IRAG1: variants seen among roughly 807,000 people sequenced by gnomAD.
The protein encoded by IRAG1 is inositol 1,4,5-triphosphate receptor associated 1.
A neutral mutation model predicts 106.2 loss-of-function variants in IRAG1; 62 were observed. That is an observed-to-expected ratio of 0.58 (90% CI 0.48 to 0.72). The LOEUF is 0.72. Among genes scored for constraint, IRAG1 ranks in the 30% least tolerant of loss-of-function variants. IRAG1 has a pLI of 0.00. For missense variants in IRAG1, 1,064 were observed against 1,140.7 expected, an observed-to-expected ratio of 0.93 and a Z score of 0.97; for synonymous variants, 462 against 443.9, an observed-to-expected ratio of 1.04 and a Z score of -0.51.
intron 1 of IRAG1, among the ~76,000 whole-genome samples, chr11:10,676,863 C>T (rs1027699122): frequency 3.7e-4 from 56 of 152,240 alleles, no homozygotes; most frequent in African/African-American, 1.4e-3. Context: ...TGGAGGTTCA[C>T]CCTTCCCACG....
intron 12 of IRAG1, 70 bp downstream of exon 12, chr11:10,606,672 G>A: frequency 2.0e-6 from 3 of 1,466,966 alleles, no homozygotes; most frequent in Non-Finnish European, 2.8e-6. Flanking sequence ...AGAGTCTGGA[G>A]GAAGAAATGT....
rs1313840890 is a variant in IRAG1, at chr11:10,573,749, T to C, written c.*2583A>G. 2.0e-5 allele frequency: 3 copies of C among 152,204 alleles called. 1 individual carries two copies. The East Asian group carries it at 5.8e-4, about 29-fold the overall frequency. 9.4% of individuals were successfully genotyped at this position (152,204 alleles called of 1,614,324 possible). ...TCCAGAAACAAAGGTAGGAAACTTG[T>C]GACCAAGTGAACAATGGGGCCAGCT... On this transcript the variant is annotated 3_prime_UTR_variant, in exon 21 of 21. Transcript: ENST00000423302.
chr11:10,636,230 A>G (rs1857135790), intron 2 of IRAG1, among the ~76,000 whole-genome samples: 1 of 152,246 alleles, frequency 6.6e-6, no homozygotes, highest in South Asian at 2.1e-4. Flanking sequence ...TCTTCAGTGC[A>G]GTGGCACAAT....
chr11:10,603,194 C>T lies in IRAG1; in HGVS notation c.1801G>A (p.Glu601Lys). 1 of 1,613,076 alleles carries T rather than the reference C, an allele frequency of 6.2e-7. No individual in the cohort carries two copies. Among genetic ancestry groups the T allele is most frequent in the Non-Finnish European group, 8.5e-7 (1 of 1,179,590 alleles). ...EHRETYQKLL[E>K]DIAVLHRLAA... ...AGGCGGTGCAGGACAGCGATGTCCT[C>T]CAGCAACTTCTGGTAGGTTTCCCGG... Residue 601 changes from glutamate (E) to lysine (K), a missense_variant, in exon 14 of 21, where the codon GAG (glutamate) becomes AAG (lysine). Physicochemically the swap from Glu to Lys is moderately conservative, Grantham distance 56. Transcript: ENST00000423302.
At chr11:10,662,758 C>A (rs899248369) in intron 1 of IRAG1, among the ~76,000 whole-genome samples, 1 of 152,224 alleles carries the variant, frequency 6.6e-6, no homozygotes, top group African/African-American at 2.4e-5. Flanking sequence ...TGCCTTTAAA[C>A]CCAGACCTGG....
At chr11:10,617,060 C>A (rs1855492295) in intron 10 of IRAG1, 1 of 985,234 alleles carries the variant, frequency 1.0e-6, no homozygotes, top group Non-Finnish European at 1.2e-6. Flanking sequence ...CTCAGGGAGG[C>A]CTCTTTCCTG....
chr11:10,652,129 G>C lies in IRAG1; in HGVS notation c.121C>G (p.Pro41Ala), dbSNP rs558918325. The change falls in exon 2 of 21, where the codon CCG becomes GCG. Residue 41 changes from proline (P) to alanine (A), a missense_variant. Coordinates refer to ENST00000423302, the MANE Select transcript of IRAG1 (RefSeq NM_130385.4). The part of the protein sequence containing the change: ...SIFGADAAEV[P>A]GTRGHSQQEA... ...TGCTGGGAGTGGCCACGTGTGCCCG[G>C]AACCTCCGCTGCGTCAGCCCCAAAG... 2.7e-5 allele frequency: 43 copies of C among 1,612,690 alleles called. No individual in the cohort carries two copies. In the East Asian group the frequency reaches 9.6e-4, roughly 36 times the overall value.
At chr11:10,688,564 G>A (rs781089139) in intron 1 of IRAG1, among the ~76,000 whole-genome samples, 3 of 152,032 alleles carry the variant, frequency 2.0e-5, no homozygotes, top group African/African-American at 4.8e-5. Context: ...CCTAGAGCCA[G>A]GCTGTGTGCA....
chr11:10,635,698 T>G (rs1857095758), intron 2 of IRAG1, among the ~76,000 whole-genome samples: 1 of 152,202 alleles, frequency 6.6e-6, no homozygotes, highest in African/African-American at 2.4e-5. Flanking sequence ...CCCACAATTT[T>G]TAGTGAACCC....
chr11:10,606,858 G>A, intron 11 of IRAG1, 86 bp from the exon 12 acceptor site: 1 of 1,285,544 alleles, frequency 7.8e-7, no homozygotes, highest in Non-Finnish European at 1.1e-6. Flanking sequence ...CAGACCATGT[G>A]TTTCCAGGGG....
intron 8 of IRAG1, 99 bp downstream of exon 8, chr11:10,627,617 G>A (rs1469073510): frequency 9.3e-6 from 12 of 1,286,634 alleles, no homozygotes; most frequent in Non-Finnish European, 1.1e-5. Context: ...ACGTGTGCAT[G>A]CACACACACT....
At chr11:10,626,740 G>A (rs1055950680) in intron 8 of IRAG1, among the ~76,000 whole-genome samples, 157 bp from the exon 9 acceptor site, 3 of 152,202 alleles carry the variant, frequency 2.0e-5, no homozygotes, top group Non-Finnish European at 4.4e-5. Flanking sequence ...TGGAAGGAGA[G>A]GGCTTCTGCC....
At chr11:10,681,746 C>A (rs1861276767) in intron 1 of IRAG1, among the ~76,000 whole-genome samples, 1 of 152,156 alleles carries the variant, frequency 6.6e-6, no homozygotes, top group Non-Finnish European at 1.5e-5. Context: ...GGAAGTGGCA[C>A]CAGGGACGGA....
At chr11:10,644,440 T>C (rs1857781352) in intron 2 of IRAG1, among the ~76,000 whole-genome samples, 1 of 152,216 alleles carries the variant, frequency 6.6e-6, no homozygotes, top group Admixed American at 6.5e-5. Flanking sequence ...AAGGATGTGA[T>C]GAGATAAGTA....
At chr11:10,583,973 G>T (rs753392575) in intron 18 of IRAG1, among the ~76,000 whole-genome samples, 2 of 152,120 alleles carry the variant, frequency 1.3e-5, no homozygotes, top group Non-Finnish European at 2.9e-5. Flanking sequence ...AGTTATATGA[G>T]AAAGAAGGAA....
chr11:10,688,797 C>A (rs932270304), intron 1 of IRAG1, among the ~76,000 whole-genome samples: 1 of 152,174 alleles, frequency 6.6e-6, no homozygotes, highest in Admixed American at 6.5e-5. Context: ...TTTACCTATG[C>A]CTTTATTTAC....
At position 10,659,369 on chromosome 11, in the gene IRAG1, G is replaced by A. The variant is rs969257783; in HGVS notation, c.68-7187C>T. ...AAGGGAATTGTGCAGGAGCAGGAAT[G>A]GTGAAGGGCGGAGATGCAGGGAGAA... On this transcript the variant is annotated intron_variant, in intron 1 of 20. Coordinates refer to ENST00000423302, the MANE Select transcript of IRAG1 (RefSeq NM_130385.4). This position sits in a 1 kb window ranked among gnomAD's most constrained non-coding sequence, Gnocchi z 4.1. Among the ~76,000 whole-genome samples, 6 of 152,222 alleles carry A rather than the reference G, an allele frequency of 3.9e-5. No homozygotes were observed. The highest frequency in any genetic ancestry group is 3.9e-4 in the Admixed American group (6 of 15,286).
At chr11:10,633,946 T>G in intron 3 of IRAG1, 22 bp downstream of exon 3, 2 of 1,453,738 alleles carry the variant, frequency 1.4e-6, no homozygotes, top group Non-Finnish European at 1.9e-6. Context: ...TTTGTCACAA[T>G]GCAAGGATCA....
Position 10,628,773 on chromosome 11 carries a change from T to G in IRAG1, c.630A>C (p.Ser210=), listed in dbSNP as rs1295299846. The change falls in exon 6 of 21, where the codon TCA becomes TCC. Residue 210 remains serine (S), a synonymous_variant. Coordinates refer to ENST00000423302, the MANE Select transcript of IRAG1 (RefSeq NM_130385.4). The surrounding 1 kb of genome is among the most constrained non-coding windows in gnomAD (Gnocchi z 4.1). Reference sequence around the variant, plus strand: ...CACCTGGCGGGGTGGGGACTGTAAGTGAGTTGCTCCGAGAGGATGTAGGAG... The same window carrying G: ...CACCTGGCGGGGTGGGGACTGTAAGGGAGTTGCTCCGAGAGGATGTAGGAG... ...SASPTSSRSN[S]LTVPTPPGLD... The G allele has an allele frequency of 5.2e-6, 8 of 1,552,654 alleles. No individual in the cohort carries two copies. In the Admixed American group the frequency reaches 1.0e-4, roughly 20 times the overall value.
Sources: gnomAD v4.1 joint callset for allele counts (sites outside exome capture counted in the v4.1 genomes callset) on GRCh38, gnomAD v4.1.1 for gene constraint, Gnocchi (gnomAD v3.1) non-coding constraint, MANE v1.5 for transcripts, NCBI Gene and HGNC (gene_info 2026-07-23, HGNC 2026-07-21) for gene names.